The following DOCK9 variants were observed in gnomAD, a reference collection of about 807,000 sequenced individuals.
The protein encoded by DOCK9 is dedicator of cytokinesis 9, also known as dedicator of cytokinesis protein 9.
Under a neutral mutation model 263.3 loss-of-function variants are expected in DOCK9, and 89 were observed. The observed-to-expected ratio is 0.34, with a 90% CI of 0.28 to 0.40. DOCK9 has a LOEUF of 0.40. Among genes scored for constraint, DOCK9 ranks in the 10% least tolerant of loss-of-function variants. The pLI, the probability that DOCK9 is intolerant of heterozygous loss-of-function variation, is 1.00. For synonymous variants in DOCK9, 976 were observed against 973.1 expected (o/e 1.00, Z -0.06); for missense variants, 2,140 against 2,603.4 (o/e 0.82, Z 3.87).
chr13:99,074,604 T>C (rs763024293), intron 1 of DOCK9, among the ~76,000 whole-genome samples: 42 of 148,942 alleles, frequency 2.8e-4, no homozygotes, highest in Non-Finnish European at 3.1e-4. Context: ...ATTATCTTCA[T>C]GTTCCCAGAA....
chr13:98,881,077 T>C (rs1196223426), intron 25 of DOCK9, among the ~76,000 whole-genome samples: 1 of 152,272 alleles, frequency 6.6e-6, no homozygotes, highest in Non-Finnish European at 1.5e-5. Context: ...ACTGCCACTC[T>C]ACTTACTGGA....
intron 45 of DOCK9, among the ~76,000 whole-genome samples, chr13:98,815,455 A>T (rs187982204): frequency 6.6e-6 from 1 of 152,200 alleles, no homozygotes; most frequent in East Asian, 1.9e-4. Context: ...TTTCAAAGAG[A>T]AATGTAAAAT....
chr13:98,957,619 C>A (rs2058200256), intron 1 of DOCK9, among the ~76,000 whole-genome samples: 1 of 147,666 alleles, frequency 6.8e-6, no homozygotes, highest in African/African-American at 2.5e-5. Flanking sequence ...AAATTTTTTT[C>A]AAAATATTTT....
chr13:98,964,752 G>C (rs1335709188), intron 1 of DOCK9, among the ~76,000 whole-genome samples: 2 of 152,124 alleles, frequency 1.3e-5, no homozygotes, highest in African/African-American at 4.8e-5. Flanking sequence ...TAGCACCATT[G>C]GAAATCCAAG....
At chr13:98,905,705 GCCCACA>G (rs2048983913) in intron 9 of DOCK9, among the ~76,000 whole-genome samples, 1 of 151,718 alleles carries the variant, frequency 6.6e-6, no homozygotes, top group African/African-American at 2.4e-5. Context: ...GCAACCAGCA[GCCCACA>G]GGGCTGCTTT....
chr13:98,990,528 T>C (rs774166074), intron 1 of DOCK9, among the ~76,000 whole-genome samples: 16 of 152,244 alleles, frequency 1.1e-4, no homozygotes, highest in Non-Finnish European at 7.3e-5. Context: ...CTACAGCTTA[T>C]AGCTCTTCAT....
intron 45 of DOCK9, among the ~76,000 whole-genome samples, chr13:98,817,909 C>G (rs1366281851): frequency 6.6e-6 from 1 of 151,758 alleles, no homozygotes; most frequent in Non-Finnish European, 1.5e-5. Context: ...TGATGGTTAT[C>G]AAGAACTAGG....
In DOCK9 at chr13:98,888,142, T is replaced by C; in HGVS notation, c.2043+16A>G. ...ATCAGAATTCGTAGGTGAACATATATTAAAAAAAAACAAACCTTAAGGGGC... is the reference window on the plus strand; with the variant it reads ...ATCAGAATTCGTAGGTGAACATATACTAAAAAAAAACAAACCTTAAGGGGC... On this transcript the variant is annotated intron_variant, in intron 18 of 52. Coordinates refer to ENST00000682017, the MANE Select transcript of DOCK9 (RefSeq NM_001366683.2). 6.4e-7 allele frequency: 1 copy of C among 1,551,314 alleles called. No individual in the cohort carries two copies. Among genetic ancestry groups the C allele is most frequent in the Non-Finnish European group, 8.7e-7 (1 of 1,144,650 alleles).
chr13:98,905,417 G>C (rs563749590), intron 9 of DOCK9, among the ~76,000 whole-genome samples: 11 of 152,096 alleles, frequency 7.2e-5, no homozygotes, highest in East Asian at 1.9e-4. Flanking sequence ...CTTGGACTAG[G>C]GGGTGGTCGT....
At chr13:98,869,491 CAG>C (rs1374892087) in intron 27 of DOCK9, among the ~76,000 whole-genome samples, 2 of 152,174 alleles carry the variant, frequency 1.3e-5, no homozygotes, top group East Asian at 1.9e-4. Context: ...TGTCTATAAA[CAG>C]AATAATTTAC....
intron 1 of DOCK9, among the ~76,000 whole-genome samples, chr13:99,018,254 T>C (rs1015986623): frequency 6.6e-6 from 1 of 152,204 alleles, no homozygotes; most frequent in Non-Finnish European, 1.5e-5. Flanking sequence ...CACTGATTAA[T>C]GGTGTTCTCA....
chr13:98,874,239 G>GTA (rs1489589797), intron 27 of DOCK9, among the ~76,000 whole-genome samples: 1 of 152,136 alleles, frequency 6.6e-6, no homozygotes, highest in African/African-American at 2.4e-5. Flanking sequence ...GGACCCAAAT[G>GTA]GTATGTAGTC....
Position 98,922,114 on chromosome 13 carries a change from C to A in DOCK9, c.519G>T (p.Gly173=), listed in dbSNP as rs1451517003. 1.9e-6 allele frequency: 3 copies of A among 1,600,380 alleles called. No individual in the cohort carries two copies. Among genetic ancestry groups the A allele is most frequent in the African/African-American group, 2.7e-5 (2 of 74,630 alleles). ...TGTACAGCCAGCCATGCTTGGTGATCCCACCCTTCTGGGAACCAAGGGAGG... is the reference window on the plus strand; with the variant it reads ...TGTACAGCCAGCCATGCTTGGTGATACCACCCTTCTGGGAACCAAGGGAGG... ...DAASLGSQKG[G]ITKHGWLYKG... is the part of the protein sequence containing the mutation. The change falls in exon 6 of 53, where the codon GGG becomes GGT. Residue 173 remains glycine (G), a synonymous_variant. Transcript: ENST00000682017.
chr13:98,849,078 A>AGTGTG (rs61318313), intron 36 of DOCK9, among the ~76,000 whole-genome samples: 1,831 of 152,254 alleles, frequency 0.012, 69 homozygotes, highest in Admixed American at 0.076. Context: ...ATACACACCA[A>AGTGTG]GTGTGTAGTT....
chr13:99,024,157 C>G (rs9557118), intron 1 of DOCK9, among the ~76,000 whole-genome samples: 95,568 of 152,064 alleles, frequency 0.63, 30,502 homozygotes, highest in East Asian at 0.9. Context: ...AGCTGCCAAA[C>G]AGCACATCTA....
intron 2 of DOCK9, among the ~76,000 whole-genome samples, chr13:98,936,345 G>A (rs767603517): frequency 2.6e-5 from 4 of 152,156 alleles, no homozygotes; most frequent in East Asian, 1.9e-4. Flanking sequence ...CTAAATACTC[G>A]GTAAATGTTT....
At chr13:99,057,234 T>C (rs965475946) in intron 1 of DOCK9, among the ~76,000 whole-genome samples, 1 of 152,180 alleles carries the variant, frequency 6.6e-6, no homozygotes, top group Admixed American at 6.5e-5. Context: ...TGAGTTTCTG[T>C]CACTTGCAAC....
chr13:98,878,038 A>G (rs1216038501), intron 27 of DOCK9, among the ~76,000 whole-genome samples: 2 of 152,154 alleles, frequency 1.3e-5, no homozygotes, highest in Admixed American at 6.5e-5. Flanking sequence ...AAAAGAGCTG[A>G]TGAAGGTAAT....
At chr13:98,986,725 A>G (rs1487155241) in intron 1 of DOCK9, among the ~76,000 whole-genome samples, 1 of 152,232 alleles carries the variant, frequency 6.6e-6, no homozygotes, top group Non-Finnish European at 1.5e-5. Context: ...GAGACCGCCA[A>G]GAAATAGAAA....
Sources: allele counts gnomAD v4.1 joint callset (sites outside exome capture counted in the v4.1 genomes callset), GRCh38; gene constraint gnomAD v4.1.1; transcripts MANE v1.5; gene names NCBI Gene and HGNC (gene_info 2026-07-23, HGNC 2026-07-21).